EPB41: variants seen among roughly 807,000 people sequenced by gnomAD.
EPB41 encodes protein 4.1.
A neutral mutation model predicts 108.0 loss-of-function variants in EPB41; 65 were observed. That is an observed-to-expected ratio of 0.60 (90% confidence interval 0.49 to 0.74). The LOEUF (loss-of-function observed/expected upper bound fraction) is 0.74, where lower values mean the gene tolerates loss of function less well. Ranked by LOEUF, EPB41 falls within the 30% of genes least tolerant of loss-of-function variation. The pLI, the probability that EPB41 is intolerant of heterozygous loss-of-function variation, is 0.00. For missense variants in EPB41, 875 were observed against 1,037.0 expected, an observed-to-expected ratio of 0.84 and a Z score of 2.15; for synonymous variants, 336 against 358.9, an observed-to-expected ratio of 0.94 and a Z score of 0.72.
intron 2 of EPB41, among the ~76,000 whole-genome samples, 156 bp downstream of exon 2, chr1:28,988,061 G>A (rs1457925363): frequency 1.3e-5 from 2 of 152,284 alleles, no homozygotes; most frequent in African/African-American, 2.4e-5. Context: ...TCAGGAGTTC[G>A]AGACCAGCCT....
chr1:28,987,100 T>A (rs1213489688), intron 1 of EPB41, among the ~76,000 whole-genome samples: 2 of 152,218 alleles, frequency 1.3e-5, no homozygotes, highest in Admixed American at 6.5e-5. Flanking sequence ...AGTCCTTTTT[T>A]AAGGAAGGAT....
intron 3 of EPB41, among the ~76,000 whole-genome samples, chr1:28,995,407 C>T (rs1390017893): frequency 3.3e-5 from 5 of 151,984 alleles, no homozygotes; most frequent in African/African-American, 4.8e-5. Flanking sequence ...ACTAAAAATA[C>T]AAAAATTAGC....
intron 16 of EPB41, among the ~76,000 whole-genome samples, chr1:29,078,273 C>T (rs571733041): frequency 1.5e-4 from 23 of 152,114 alleles, no homozygotes; most frequent in African/African-American, 4.8e-4. Context: ...GTTTGAGGAC[C>T]CCTGGTACAG....
At chr1:28,974,487 AT>A (rs2095558339) in intron 1 of EPB41, among the ~76,000 whole-genome samples, 3 of 152,328 alleles carry the variant, frequency 2.0e-5, no homozygotes, top group East Asian at 3.9e-4. Context: ...CTAGTATGTA[AT>A]TTAAGTGAGA....
At chr1:28,993,590 C>T (rs1387816902) in intron 3 of EPB41, 48 bp downstream of exon 3, 4 of 1,560,124 alleles carry the variant, frequency 2.6e-6, no homozygotes. Flanking sequence ...CAGGTGGTTT[C>T]ATCTAGAGTT....
chr1:28,942,266 T>C (rs2094318707), intron 1 of EPB41, among the ~76,000 whole-genome samples: 1 of 152,182 alleles, frequency 6.6e-6, no homozygotes, highest in Non-Finnish European at 1.5e-5. Flanking sequence ...TACCTGGAGA[T>C]AGCATCAGAT....
intron 7 of EPB41, among the ~76,000 whole-genome samples, chr1:29,029,864 C>A (rs1357546796): frequency 1.3e-5 from 2 of 152,136 alleles, no homozygotes; most frequent in Non-Finnish European, 2.9e-5. Flanking sequence ...CAGAAATTTT[C>A]TTTTCATCAA....
At chr1:28,974,142 T>A (rs1243284555) in intron 1 of EPB41, among the ~76,000 whole-genome samples, 1 of 152,220 alleles carries the variant, frequency 6.6e-6, no homozygotes, top group Non-Finnish European at 1.5e-5. Flanking sequence ...TAAAATAGAT[T>A]GCTCAGAACC....
chr1:29,013,723 T>G (rs904994854), intron 5 of EPB41, among the ~76,000 whole-genome samples: 1 of 152,014 alleles, frequency 6.6e-6, no homozygotes, highest in Non-Finnish European at 1.5e-5. Flanking sequence ...GAGACAGGGT[T>G]TCGCCATGTT....
chr1:29,000,602 A>G (rs1043785675), intron 4 of EPB41, among the ~76,000 whole-genome samples: 58 of 152,214 alleles, frequency 3.8e-4, no homozygotes, highest in Non-Finnish European at 7.6e-4. Flanking sequence ...TCTGGCTTCA[A>G]CTTCCCTGAT....
At chr1:28,897,587 GGGA>G (rs1450755406) in intron 1 of EPB41, among the ~76,000 whole-genome samples, 6 of 101,976 alleles carry the variant, frequency 5.9e-5, no homozygotes, top group South Asian at 4.4e-4. Flanking sequence ...GGGAAGCGGA[GGGA>G]AGGGAAGGGA....
chr1:29,037,008 C>A (rs1204840630), intron 10 of EPB41, among the ~76,000 whole-genome samples: 1 of 151,370 alleles, frequency 6.6e-6, no homozygotes, highest in Non-Finnish European at 1.5e-5. Flanking sequence ...TAGCTTCACT[C>A]TAATGAAACC....
At chr1:29,007,171 A>G (rs1198833571) in intron 4 of EPB41, among the ~76,000 whole-genome samples, 2 of 151,764 alleles carry the variant, frequency 1.3e-5, no homozygotes, top group African/African-American at 4.8e-5. Flanking sequence ...GATTTACTGC[A>G]TCCTCCACCT....
At chr1:29,011,786 A>G in intron 4 of EPB41, 79 bp from the exon 5 acceptor site, 9 of 1,466,596 alleles carry the variant, frequency 6.1e-6, no homozygotes, top group Non-Finnish European at 7.6e-6. Flanking sequence ...ATTTGAAGAT[A>G]GTCAGTGATC....
At chr1:29,042,426 G>C (rs1165786605) in intron 11 of EPB41, among the ~76,000 whole-genome samples, 2 of 152,044 alleles carry the variant, frequency 1.3e-5, no homozygotes, top group African/African-American at 4.8e-5. Context: ...CTAAGCAGTA[G>C]GACTTTTGTG....
intron 15 of EPB41, 44 bp downstream of exon 15, chr1:29,060,528 CTTCTGCATTCTTTGCTGATCCCCTT>C (rs1215956912): frequency 6.5e-7 from 1 of 1,534,346 alleles, no homozygotes; most frequent in Non-Finnish European, 9.0e-7. Context: ...TGCCTGGAAC[CTTCTGCATTCTTTGCTGATCCCCTT>C]TTCTTCATTC....
At chr1:29,085,809 C>T (rs999410057) in intron 16 of EPB41, among the ~76,000 whole-genome samples, 1 of 152,180 alleles carries the variant, frequency 6.6e-6, no homozygotes, top group African/African-American at 2.4e-5. Context: ...GCCTCGTCCT[C>T]CCAAAGTGCT....
In EPB41 at chr1:29,060,476, A is replaced by G. The variant is rs1045009412; in HGVS notation, c.1999A>G (p.Met667Val). 6 of 1,612,878 alleles carry G rather than the reference A, an allele frequency of 3.7e-6. No homozygotes were observed. Among genetic ancestry groups the G allele is most frequent in the Non-Finnish European group, 5.1e-6 (6 of 1,179,056 alleles). The change falls in exon 15 of 21, where the codon ATG (methionine) becomes GTG (valine). Residue 667 changes from methionine to valine, a missense_variant. Around this residue, in one of 3 missense-constraint regions of EPB41, gnomAD observed 519 missense variants for 627.3 expected, o/e 0.83. Coordinates refer to ENST00000343067, the MANE Select transcript of EPB41 (RefSeq NM_001376013.1). ...CATTTATATCAGACATAGCAATTTA[A>G]TGTTGGAGGTTTGTATGAACTTGAA... ...ENIYIRHSNL[M>V]LEDLDKSQEE...
intron 1 of EPB41, among the ~76,000 whole-genome samples, chr1:28,908,009 G>A (rs976065240): frequency 1.3e-5 from 2 of 151,944 alleles, no homozygotes; most frequent in African/African-American, 4.8e-5. Flanking sequence ...TGTACTTGAG[G>A]CTAATAATAT....
Sources: gnomAD v4.1 joint callset for allele counts (sites outside exome capture counted in the v4.1 genomes callset) on GRCh38, gnomAD v4.1.1 for gene constraint, gnomAD v4.1.1 regional missense constraint, MANE v1.5 for transcripts, NCBI Gene and HGNC (gene_info 2026-07-23, HGNC 2026-07-21) for gene names.